Variants in PTPRD observed in about 807,000 individuals in gnomAD.
PTPRD encodes protein tyrosine phosphatase receptor type D.
A neutral mutation model predicts 214.5 loss-of-function variants in PTPRD; 34 were observed. The ratio of observed to expected loss-of-function variants is 0.16; its 90% confidence interval spans 0.12 to 0.21. The LOEUF (loss-of-function observed/expected upper bound fraction) is 0.21. PTPRD is among the 10% of genes least tolerant of loss of function. The pLI is 1.00. For missense variants in PTPRD, 2,545 were observed against 2,398.7 expected, an observed-to-expected ratio of 1.06 and a Z score of -1.27; for synonymous variants, 1,128 against 845.7, an observed-to-expected ratio of 1.33 and a Z score of -5.79.
chr9:10,328,767 G>A (rs2096694384), intron 3 of PTPRD, among the ~76,000 whole-genome samples: 1 of 151,830 alleles, frequency 6.6e-6, no homozygotes, highest in African/African-American at 2.4e-5. Flanking sequence ...CATGAAGACA[G>A]AAGTCCAACT....
chr9:8,949,418 T>G (rs993815345), intron 11 of PTPRD, among the ~76,000 whole-genome samples: 1 of 152,084 alleles, frequency 6.6e-6, no homozygotes, highest in African/African-American at 2.4e-5. Context: ...GCTTGGTTCA[T>G]AGCTTAATCT....
chr9:8,525,123 G>T, intron 17 of PTPRD, 88 bp from the exon 18 acceptor site: 1 of 1,118,668 alleles, frequency 8.9e-7, no homozygotes, highest in Non-Finnish European at 1.4e-6. Context: ...AATATGAAAA[G>T]CCCTGCAAAG....
intron 14 of PTPRD, among the ~76,000 whole-genome samples, chr9:8,544,946 T>C (rs939218613): frequency 6.6e-6 from 1 of 151,032 alleles, no homozygotes; most frequent in Non-Finnish European, 1.5e-5. Context: ...CAAAGTGCCT[T>C]CTTCAAAGCT....
intron 5 of PTPRD, among the ~76,000 whole-genome samples, chr9:9,889,334 C>T (rs949312033): frequency 6.6e-6 from 1 of 151,958 alleles, no homozygotes; most frequent in Non-Finnish European, 1.5e-5. Context: ...TTAGTCATTC[C>T]ACAATGTATA....
chr9:10,254,117 G>A (rs1169346733), intron 3 of PTPRD, among the ~76,000 whole-genome samples: 1 of 152,160 alleles, frequency 6.6e-6, no homozygotes, highest in Non-Finnish European at 1.5e-5. Context: ...CAGAGAACAA[G>A]TCAACTCATA....
rs933916121 is a variant in PTPRD at position 8,694,089 on chromosome 9, A to C, written c.64+39691T>G. 2.0e-5 allele frequency among the ~76,000 whole-genome samples: 3 copies of C among 152,240 alleles called. No homozygotes were observed. In the South Asian group the frequency reaches 6.2e-4, roughly 31 times the overall value. ...AATCAGGTAAATCTCTGAATATCTTACCTAGATGTGAAAACATGATTTAAC... is the reference window on the plus strand; with the variant it reads ...AATCAGGTAAATCTCTGAATATCTTCCCTAGATGTGAAAACATGATTTAAC... On this transcript the variant is annotated intron_variant, in intron 12 of 45. Coordinates refer to ENST00000381196, the MANE Select transcript of PTPRD (RefSeq NM_002839.4).
intron 36 of PTPRD, among the ~76,000 whole-genome samples, chr9:8,396,130 TCTC>T (rs140062884): frequency 0.084 from 12,804 of 152,052 alleles, 1,394 homozygotes; most frequent in East Asian, 0.49. Context: ...AGATGCTCAG[TCTC>T]CTCATCACTA....
chr9:9,101,243 A>G (rs1035611708), intron 10 of PTPRD, among the ~76,000 whole-genome samples: 1 of 152,142 alleles, frequency 6.6e-6, no homozygotes, highest in Admixed American at 6.5e-5. Context: ...GATCTTTCAG[A>G]AAGATCTGAG....
intron 2 of PTPRD, among the ~76,000 whole-genome samples, chr9:10,576,002 T>G (rs1465288565): frequency 6.6e-6 from 1 of 152,180 alleles, no homozygotes; most frequent in Admixed American, 6.5e-5. Flanking sequence ...TTTCACATTA[T>G]TAAGTAATCA....
chr9:8,967,666 C>A (rs187018446), intron 11 of PTPRD, among the ~76,000 whole-genome samples: 4 of 152,164 alleles, frequency 2.6e-5, no homozygotes, highest in African/African-American at 7.2e-5. Context: ...TGATTCATAA[C>A]ATGCAAAAAA....
chr9:10,196,098 T>G (rs147339516), intron 3 of PTPRD, among the ~76,000 whole-genome samples: 1 of 152,308 alleles, frequency 6.6e-6, no homozygotes, highest in Admixed American at 6.5e-5. Context: ...TATACACTTA[T>G]AGAAATATGA....
At chr9:8,555,840 G>A (rs969874315) in intron 14 of PTPRD, among the ~76,000 whole-genome samples, 1 of 152,042 alleles carries the variant, frequency 6.6e-6, no homozygotes, top group African/African-American at 2.4e-5. Context: ...CAACAAATAA[G>A]AAGACTGATA....
At chr9:8,432,767 A>G (rs1264332551) in intron 35 of PTPRD, among the ~76,000 whole-genome samples, 1 of 152,200 alleles carries the variant, frequency 6.6e-6, no homozygotes, top group African/African-American at 2.4e-5. Context: ...CAACACTTAA[A>G]CATCTCCTTC....
chr9:10,050,403 CA>C (rs1340453365), intron 3 of PTPRD, among the ~76,000 whole-genome samples: 1 of 150,498 alleles, frequency 6.6e-6, no homozygotes, highest in African/African-American at 2.4e-5. Context: ...ACTAAAAATA[CA>C]AAAAAACTAG....
chr9:10,393,644 T>C (rs1266912473), intron 2 of PTPRD, among the ~76,000 whole-genome samples: 4 of 148,472 alleles, frequency 2.7e-5, no homozygotes, highest in African/African-American at 9.8e-5. Flanking sequence ...AGTATATATA[T>C]ATATTAGAGA....
chr9:10,195,456 C>T (rs1248478594), intron 3 of PTPRD, among the ~76,000 whole-genome samples: 3 of 152,054 alleles, frequency 2.0e-5, no homozygotes, highest in Non-Finnish European at 4.4e-5. Flanking sequence ...GTTTTCTGGC[C>T]AATGAGATGT....
At chr9:10,248,614 G>T (rs371777459) in intron 3 of PTPRD, among the ~76,000 whole-genome samples, 1 of 151,108 alleles carries the variant, frequency 6.6e-6, no homozygotes, top group Non-Finnish European at 1.5e-5. Context: ...AAAAGTTTCC[G>T]TACCAGACAA....
chr9:9,239,234 G>A lies in PTPRD; in HGVS notation c.-202-55871C>T, dbSNP rs534143693. ...AAACCACAAGTATTCTGTCAAAAAGGAAAAGTAGAAACTAACTCAAAGGCT... is the reference window on the plus strand; with the variant it reads ...AAACCACAAGTATTCTGTCAAAAAGAAAAAGTAGAAACTAACTCAAAGGCT... On this transcript the variant is annotated intron_variant, in intron 9 of 45. Transcript: ENST00000381196. Among the ~76,000 whole-genome samples the A allele has an allele frequency of 4.6e-5, 7 of 151,514 alleles. No individual in the cohort carries two copies. In the East Asian group the frequency reaches 1.2e-3, roughly 25 times the overall value.
intron 2 of PTPRD, among the ~76,000 whole-genome samples, chr9:10,560,853 T>A (rs923193245): frequency 6.6e-6 from 1 of 152,188 alleles, no homozygotes; most frequent in African/African-American, 2.4e-5. Flanking sequence ...TACCATACTG[T>A]ACAGCATAAA....
Sources: allele counts gnomAD v4.1 joint callset (sites outside exome capture counted in the v4.1 genomes callset), GRCh38; gene constraint gnomAD v4.1.1; transcripts MANE v1.5; gene names NCBI Gene and HGNC (gene_info 2026-07-23, HGNC 2026-07-21).